TBPL2: variants seen among roughly 807,000 people sequenced by gnomAD.
TBPL2 encodes the protein TATA-box binding protein like 2.
Under a neutral mutation model 38.2 loss-of-function variants are expected in TBPL2, and 40 were observed. The observed-to-expected ratio is 1.05, with a 90% CI of 0.81 to 1.36. The LOEUF (loss-of-function observed/expected upper bound fraction) is 1.36, where lower values mean the gene tolerates loss of function less well. Ranked by LOEUF, TBPL2 falls within the 40% of genes most tolerant of loss-of-function variation. TBPL2 has a pLI of 0.00. For missense variants in TBPL2, 461 were observed against 456.7 expected (o/e 1.01, Z -0.09); for synonymous variants, 169 against 171.7 (o/e 0.98, Z 0.12).
At chr14:55,414,280 T>C in exon 7 of TBPL2, 1 of 917,694 alleles carries the variant, frequency 1.1e-6, no homozygotes, top group Non-Finnish European at 1.7e-6. Context: ...GTAACGTACT[T>C]GTAACATCTA....
At chr14:55,430,836 A>G (rs915853985) in intron 4 of TBPL2, among the ~76,000 whole-genome samples, 11 of 152,180 alleles carry the variant, frequency 7.2e-5, no homozygotes, top group East Asian at 1.9e-4. Flanking sequence ...AACTGTTTCC[A>G]TTTTGAACTA....
intron 6 of TBPL2, among the ~76,000 whole-genome samples, chr14:55,416,684 G>A (rs187661610): frequency 4.1e-4 from 62 of 152,274 alleles, no homozygotes; most frequent in Admixed American, 7.2e-4. Flanking sequence ...CAGTGAGTTG[G>A]TGAAGAAGCA....
chr14:55,425,001 A>G (rs948431815), intron 5 of TBPL2, among the ~76,000 whole-genome samples: 1 of 152,228 alleles, frequency 6.6e-6, no homozygotes, highest in Non-Finnish European at 1.5e-5. Flanking sequence ...GACAAGAAAT[A>G]TAAGAAAAAA....
intron 1 of TBPL2, among the ~76,000 whole-genome samples, chr14:55,440,057 G>T (rs1043997144): frequency 6.6e-6 from 1 of 151,746 alleles, no homozygotes; most frequent in African/African-American, 2.4e-5. Flanking sequence ...CTGAGATCGC[G>T]CCACTGCACT....
intron 4 of TBPL2, among the ~76,000 whole-genome samples, chr14:55,432,761 A>G (rs1885952409): frequency 6.6e-6 from 1 of 152,160 alleles, no homozygotes; most frequent in African/African-American, 2.4e-5. Flanking sequence ...TCAGGAGGAG[A>G]ATTTGCTTCT....
intron 1 of TBPL2, among the ~76,000 whole-genome samples, chr14:55,438,624 T>TC (rs775954319): frequency 6.6e-6 from 1 of 152,186 alleles, no homozygotes; most frequent in Non-Finnish European, 1.5e-5. Context: ...CACAAGAATG[T>TC]AAGGCAATGG....
At chr14:55,414,334 T>C (rs1594787947) in exon 7 of TBPL2, 2 of 1,408,640 alleles carry the variant, frequency 1.4e-6, no homozygotes, top group Non-Finnish European at 2.0e-6. Flanking sequence ...GCTGGGCTTA[T>C]GGACATATTC....
At chr14:55,439,437 C>A (rs1465503807) in intron 1 of TBPL2, among the ~76,000 whole-genome samples, 1 of 151,994 alleles carries the variant, frequency 6.6e-6, no homozygotes, top group African/African-American at 2.4e-5. Context: ...AAGCAGAAAC[C>A]CGTGGGAACC....
chr14:55,432,136 A>G (rs1414137313), intron 4 of TBPL2, among the ~76,000 whole-genome samples: 1 of 151,982 alleles, frequency 6.6e-6, no homozygotes, highest in Admixed American at 6.6e-5. Context: ...GGCCAGATGT[A>G]GTAGCTCACG....
chr14:55,426,534 TG>T (rs1885826876), intron 5 of TBPL2, among the ~76,000 whole-genome samples: 1 of 152,122 alleles, frequency 6.6e-6, no homozygotes, highest in East Asian at 1.9e-4. Context: ...AGAGGCCTCA[TG>T]TTAAAAATTC....
rs868668820 is a variant in TBPL2 at position 55,420,911 on chromosome 14, A to G, written c.1051+3248T>C. Among the ~76,000 whole-genome samples, 3 of 152,164 alleles carry G rather than the reference A, an allele frequency of 2.0e-5. No homozygotes were observed. The South Asian group carries it at 6.2e-4, about 32-fold the overall frequency. ...CGTCTCTACTAAAAATACAAAAAAA[A>G]TTAGCTGGGCATAGTGGCAGGTGCC... is the stretch of plus-strand genomic sequence containing the variant. On this transcript the variant is annotated intron_variant, in intron 6 of 6. Transcript: ENST00000247219.
chr14:55,429,482 G>A (rs1029214385), intron 4 of TBPL2, among the ~76,000 whole-genome samples: 1 of 152,192 alleles, frequency 6.6e-6, no homozygotes, highest in Non-Finnish European at 1.5e-5. Context: ...AGAGAACAAT[G>A]GCTGGGCACA....
intron 4 of TBPL2, among the ~76,000 whole-genome samples, chr14:55,430,398 T>TAAAAAAAAAAAAAAAAAAA (rs370880582): frequency 8.3e-6 from 1 of 119,828 alleles, no homozygotes; most frequent in Non-Finnish European, 1.7e-5. Context: ...TCACCCACTT[T>TAAAAAAAAAAAAAAAAAAA]AAAAAAAAAA....
chr14:55,435,876 G>A (rs759560712), exon 3 of TBPL2: 8 of 1,570,044 alleles, frequency 5.1e-6, no homozygotes, highest in Non-Finnish European at 6.9e-6. Flanking sequence ...TTTTTTGCAT[G>A]CAAAGCTATT....
intron 5 of TBPL2, among the ~76,000 whole-genome samples, chr14:55,426,617 T>C (rs1885828530): frequency 6.6e-6 from 1 of 151,760 alleles, no homozygotes; most frequent in African/African-American, 2.4e-5. Flanking sequence ...ATCCATAACC[T>C]GAGGCTGACA....
chr14:55,423,258 G>A (rs1885772830), intron 6 of TBPL2, among the ~76,000 whole-genome samples: 1 of 152,210 alleles, frequency 6.6e-6, no homozygotes, highest in African/African-American at 2.4e-5. Flanking sequence ...ATGCTGCCAA[G>A]CATTTGGTAA....
intron 1 of TBPL2, among the ~76,000 whole-genome samples, chr14:55,439,503 C>CA (rs1555344733): frequency 4.0e-5 from 6 of 149,944 alleles, no homozygotes; most frequent in African/African-American, 1.2e-4. Context: ...TAGAACCAGG[C>CA]GGGGGGCCAG....
intron 6 of TBPL2, among the ~76,000 whole-genome samples, chr14:55,420,903 C>CA (rs1264220891): frequency 6.0e-5 from 9 of 151,104 alleles, no homozygotes; most frequent in African/African-American, 9.7e-5. Context: ...ACTAAAAATA[C>CA]AAAAAAAATT....
intron 1 of TBPL2, among the ~76,000 whole-genome samples, chr14:55,437,540 C>A (rs752811274): frequency 1.3e-5 from 2 of 152,192 alleles, no homozygotes; most frequent in Non-Finnish European, 2.9e-5. Context: ...TTTTAAAATG[C>A]AGAAAAAGCA....
Sources: allele counts gnomAD v4.1 joint callset (sites outside exome capture counted in the v4.1 genomes callset), GRCh38; gene constraint gnomAD v4.1.1; transcripts MANE v1.5; gene names NCBI Gene and HGNC (gene_info 2026-07-23, HGNC 2026-07-21).